Variants in TMEM117 observed in about 807,000 individuals in gnomAD.
TMEM117 encodes transmembrane protein 117.
TMEM117 carries 27 observed loss-of-function variants against 52.4 expected under a neutral mutation model. That is an observed-to-expected ratio of 0.51 (90% confidence interval 0.38 to 0.71). The LOEUF (loss-of-function observed/expected upper bound fraction) is 0.71. TMEM117 is among the 30% of genes least tolerant of loss of function. The pLI is 0.00. For synonymous variants in TMEM117, 215 were observed against 206.3 expected, an observed-to-expected ratio of 1.04 and a Z score of -0.36; for missense variants, 556 against 630.5, an observed-to-expected ratio of 0.88 and a Z score of 1.26.
intron 5 of TMEM117, among the ~76,000 whole-genome samples, chr12:44,266,487 G>A (rs1015712572): frequency 2.0e-5 from 3 of 152,042 alleles, no homozygotes; most frequent in Non-Finnish European, 4.4e-5. Flanking sequence ...TTTTATGGTT[G>A]AGTTGTAAGA....
At chr12:44,043,855 G>A (rs1946839455) in intron 3 of TMEM117, among the ~76,000 whole-genome samples, 1 of 152,246 alleles carries the variant, frequency 6.6e-6, no homozygotes, top group Non-Finnish European at 1.5e-5. Flanking sequence ...TGGAATAATG[G>A]TGGAAGGAAC....
At chr12:43,872,816 A>G (rs1162497754) in intron 2 of TMEM117, among the ~76,000 whole-genome samples, 1 of 152,228 alleles carries the variant, frequency 6.6e-6, no homozygotes, top group Admixed American at 6.5e-5. Context: ...TTAATACCTT[A>G]ATAGCAATAT....
chr12:44,369,881 A>G (rs1951838948), intron 6 of TMEM117, among the ~76,000 whole-genome samples: 1 of 152,212 alleles, frequency 6.6e-6, no homozygotes. Flanking sequence ...CCTTGAAGGG[A>G]AAAACAACAG....
At chr12:43,897,207 G>A (rs959585149) in intron 2 of TMEM117, among the ~76,000 whole-genome samples, 3 of 152,124 alleles carry the variant, frequency 2.0e-5, no homozygotes, top group Non-Finnish European at 2.9e-5. Flanking sequence ...AACTTCTGCC[G>A]AGAGCTGCTT....
intron 5 of TMEM117, among the ~76,000 whole-genome samples, chr12:44,297,009 TC>T (rs1228255281): frequency 6.6e-6 from 1 of 152,172 alleles, no homozygotes; most frequent in African/African-American, 2.4e-5. Flanking sequence ...CGTATCTGAA[TC>T]CAAAGCTCGA....
chr12:44,124,662 A>G (rs1008315053), intron 3 of TMEM117, among the ~76,000 whole-genome samples: 1 of 152,192 alleles, frequency 6.6e-6, no homozygotes, highest in Non-Finnish European at 1.5e-5. Flanking sequence ...TGAGATAATC[A>G]TGTGGTTGTT....
At chr12:44,116,448 C>A (rs764459284) in intron 3 of TMEM117, among the ~76,000 whole-genome samples, 1 of 152,192 alleles carries the variant, frequency 6.6e-6, no homozygotes, top group Non-Finnish European at 1.5e-5. Context: ...TTCTCTCAAT[C>A]TCAGATTATG....
At chr12:43,820,427 C>T in the TMEM117 span, among the ~76,000 whole-genome samples, 6 of 152,110 alleles carry the variant, frequency 3.9e-5, no homozygotes, top group Non-Finnish European at 7.4e-5. Context: ...ACGCCGGCCA[C>T]CACGCCCGGC....
In TMEM117 at chr12:44,346,530, C is replaced by G. The variant is rs1253587254; in HGVS notation, c.769-30065C>G. 3.3e-5 allele frequency among the ~76,000 whole-genome samples: 5 copies of G among 152,074 alleles called. No homozygotes were observed. In the East Asian group the frequency reaches 9.7e-4, roughly 29 times the overall value. On this transcript the variant is annotated intron_variant, in intron 6 of 7. Coordinates refer to ENST00000266534, the MANE Select transcript of TMEM117 (RefSeq NM_032256.3). Reference sequence around the variant, plus strand: ...TCATTCTCACCCTCTTTTTCCTTTTCCCAATAGGAAAAGTACTCATTGGGT... The same window carrying G: ...TCATTCTCACCCTCTTTTTCCTTTTGCCAATAGGAAAAGTACTCATTGGGT...
intron 6 of TMEM117, among the ~76,000 whole-genome samples, chr12:44,317,042 CT>C (rs1951064516): frequency 1.2e-5 from 1 of 85,924 alleles, no homozygotes; most frequent in South Asian, 3.5e-4. Context: ...TGTCTTGAAT[CT>C]TGTTGAGCCT....
At chr12:44,002,827 A>G (rs1946136889) in intron 3 of TMEM117, among the ~76,000 whole-genome samples, 2 of 109,930 alleles carry the variant, frequency 1.8e-5, no homozygotes, top group Admixed American at 8.1e-5. Flanking sequence ...GAAGTTAAAG[A>G]AGACAAGAAT....
intron 2 of TMEM117, among the ~76,000 whole-genome samples, chr12:43,858,592 T>C (rs1943437900): frequency 6.6e-6 from 1 of 152,188 alleles, no homozygotes; most frequent in South Asian, 2.1e-4. Context: ...CTATACTTTT[T>C]CCCCTTAATT....
chr12:44,214,452 G>A (rs983712620), intron 5 of TMEM117, among the ~76,000 whole-genome samples: 1 of 152,080 alleles, frequency 6.6e-6, no homozygotes, highest in Admixed American at 6.5e-5. Flanking sequence ...ACAGGTGTGA[G>A]CCACCACACC....
chr12:43,926,754 T>C (rs537088094), intron 2 of TMEM117, among the ~76,000 whole-genome samples: 9 of 74,852 alleles, frequency 1.2e-4, no homozygotes, highest in African/African-American at 3.3e-4. Context: ...AAGGTATTTA[T>C]CCATTTTTTA....
At chr12:44,294,353 A>G (rs941948691) in intron 5 of TMEM117, among the ~76,000 whole-genome samples, 3 of 152,194 alleles carry the variant, frequency 2.0e-5, no homozygotes, top group South Asian at 2.1e-4. Context: ...TCCAATTGCC[A>G]TCAGTTGGAA....
intron 6 of TMEM117, among the ~76,000 whole-genome samples, chr12:44,363,290 T>C (rs999568062): frequency 4.6e-5 from 7 of 152,140 alleles, no homozygotes; most frequent in African/African-American, 1.4e-4. Context: ...AAGAAATATA[T>C]GTAAAAGGCT....
chr12:44,392,491 G>C (rs1048139429), downstream of TMEM117, among the ~76,000 whole-genome samples: 1 of 152,012 alleles, frequency 6.6e-6, no homozygotes, highest in Non-Finnish European at 1.5e-5. Context: ...AAGGCTGGTT[G>C]GTTGGTTAGT....
At chr12:44,186,667 G>A (rs1458362138) in intron 4 of TMEM117, among the ~76,000 whole-genome samples, 1 of 151,946 alleles carries the variant, frequency 6.6e-6, no homozygotes, top group African/African-American at 2.4e-5. Flanking sequence ...GTTACCACAT[G>A]GTATATCCTG....
At chr12:44,328,485 C>G (rs1951224738) in intron 6 of TMEM117, among the ~76,000 whole-genome samples, 1 of 152,142 alleles carries the variant, frequency 6.6e-6, no homozygotes, top group African/African-American at 2.4e-5. Context: ...TACAAGAAAA[C>G]TGCTAGCTTT....
Sources: gnomAD v4.1 joint callset for allele counts (sites outside exome capture counted in the v4.1 genomes callset) on GRCh38, gnomAD v4.1.1 for gene constraint, MANE v1.5 for transcripts, NCBI Gene and HGNC (gene_info 2026-07-23, HGNC 2026-07-21) for gene names.